JAKMIP1: variants seen among roughly 807,000 people sequenced by gnomAD.
The protein encoded by JAKMIP1 is janus kinase and microtubule-interacting protein 1.
Under a neutral mutation model 113.0 loss-of-function variants are expected in JAKMIP1, and 33 were observed. That is an observed-to-expected ratio of 0.29 (90% CI 0.22 to 0.39). The LOEUF is 0.39. JAKMIP1 is among the 10% of genes least tolerant of loss of function. JAKMIP1 has a pLI of 1.00. For synonymous variants in JAKMIP1, 480 were observed against 459.9 expected, an observed-to-expected ratio of 1.04 and a Z score of -0.56; for missense variants, 813 against 1,080.5, an observed-to-expected ratio of 0.75 and a Z score of 3.47.
chr4:6,074,941 C>T (rs1402583092), intron 8 of JAKMIP1, among the ~76,000 whole-genome samples: 1 of 152,240 alleles, frequency 6.6e-6, no homozygotes, highest in Non-Finnish European at 1.5e-5. Flanking sequence ...GGAGGCTAGA[C>T]CATCTGGGTT....
At position 6,193,650 on chromosome 4, in the gene JAKMIP1, T is replaced by A. The variant is rs1003737288; in HGVS notation, c.-148+6603A>T. Among the ~76,000 whole-genome samples the A allele has an allele frequency of 6.6e-6, 1 of 152,150 alleles. No individual in the cohort carries two copies. The highest frequency in any genetic ancestry group is 1.5e-5 in the Non-Finnish European group (1 of 68,034). On this transcript the variant is annotated intron_variant, in intron 1 of 20. Transcript: ENST00000409021. This position sits in a 1 kb window ranked among gnomAD's most constrained non-coding sequence, Gnocchi z 6.4. ...CCGCATCGTCCCTCCTGCCTCGGGG[T>A]GCTCCCATGCTCTTGCTTGGAAAAT... is the stretch of plus-strand genomic sequence containing the variant.
intron 1 of JAKMIP1, among the ~76,000 whole-genome samples, chr4:6,113,675 C>T (rs1715297062): frequency 1.3e-5 from 2 of 152,174 alleles, no homozygotes; most frequent in African/African-American, 4.8e-5. Context: ...AGCGGGTGAG[C>T]CAGGACTGAG....
At chr4:6,190,639 C>T (rs1727156373) in intron 1 of JAKMIP1, among the ~76,000 whole-genome samples, 2 of 152,222 alleles carry the variant, frequency 1.3e-5, no homozygotes, top group African/African-American at 2.4e-5. Flanking sequence ...GGCACGATGC[C>T]AGGCACCTGA....
chr4:6,174,806 G>A (rs912607896), intron 1 of JAKMIP1, among the ~76,000 whole-genome samples: 11 of 139,806 alleles, frequency 7.9e-5, no homozygotes, highest in East Asian at 2.1e-4. Flanking sequence ...AGGTGACCCC[G>A]TCGTGTCAAG....
intron 1 of JAKMIP1, among the ~76,000 whole-genome samples, chr4:6,165,630 A>G (rs114831562): frequency 0.018 from 2,668 of 152,352 alleles, 82 homozygotes; most frequent in African/African-American, 0.059. Context: ...AGGTATGTAC[A>G]TTGTTGTTTT....
intron 9 of JAKMIP1, 111 bp from the exon 10 acceptor site, chr4:6,062,551 T>G: frequency 8.3e-7 from 1 of 1,198,502 alleles, no homozygotes. Flanking sequence ...TGGCTTTGAG[T>G]GCCAGGGTCA....
Position 6,179,497 on chromosome 4 carries a change from G to A in JAKMIP1, c.-148+20756C>T, listed in dbSNP as rs56197934. 0.014 allele frequency among the ~76,000 whole-genome samples: 2,109 copies of A among 152,254 alleles called. 42 individuals carry two copies. The highest frequency in any genetic ancestry group is 0.072 in the Admixed American group (1,096 of 15,296). On this transcript the variant is annotated intron_variant, in intron 1 of 20. Transcript: ENST00000409021. This position sits in a 1 kb window ranked among gnomAD's most constrained non-coding sequence, Gnocchi z 4.5. The stretch of plus-strand genomic sequence containing the variant: ...CTTCCTGACACCCCCTACAGGCACC[G>A]TCAAGGGACAACCCTACAAAGCCAC...
chr4:6,191,913 TTTTATTTATTTATTTA>T (rs55740817), intron 1 of JAKMIP1, among the ~76,000 whole-genome samples: 3 of 141,054 alleles, frequency 2.1e-5, no homozygotes, highest in Non-Finnish European at 3.0e-5. Flanking sequence ...CAGGAGTGCA[TTTTATTTATTTATTTA>T]TTTATTTATT....
intron 20 of JAKMIP1, among the ~76,000 whole-genome samples, chr4:6,027,754 T>G (rs1200653287): frequency 6.6e-6 from 1 of 152,228 alleles, no homozygotes; most frequent in Non-Finnish European, 1.5e-5. Flanking sequence ...GATTCCAACA[T>G]TTCCCAGGTA....
At chr4:6,170,512 A>ACCACCATTACCACCCTCACAACCACCC (rs1724405297) in intron 1 of JAKMIP1, among the ~76,000 whole-genome samples, 1 of 143,442 alleles carries the variant, frequency 7.0e-6, no homozygotes, top group African/African-American at 2.6e-5. Context: ...TATCACCACC[A>ACCACCATTACCACCCTCACAACCACCC]CCATCACCAC....
chr4:6,164,768 G>A (rs532820925), intron 1 of JAKMIP1, among the ~76,000 whole-genome samples: 28 of 152,318 alleles, frequency 1.8e-4, no homozygotes, highest in African/African-American at 3.4e-4. Context: ...GGAAGTAATC[G>A]CATAAGTGGT....
chr4:6,026,242 T>C lies in JAKMIP1; in HGVS notation c.2482A>G (p.Ile828Val). 1.3e-6 allele frequency: 2 copies of C among 1,545,606 alleles called. No homozygotes were observed. Among genetic ancestry groups the C allele is most frequent in the Non-Finnish European group, 1.7e-6 (2 of 1,143,248 alleles). ...FLFLFFSLAF[I>V]LWP ...CACTGAAGTCATCAAGGCCACAGAA[T>C]GAATGCTAGTGAGAAAAACAAAAAA... is the stretch of plus-strand genomic sequence containing the variant. Residue 828 changes from isoleucine (I) to valine (V), a missense_variant, in exon 21 of 21, where the codon ATT becomes GTT. Coordinates refer to ENST00000409021, the MANE Select transcript of JAKMIP1 (RefSeq NM_001099433.2).
rs760311298 is a variant in JAKMIP1, at chr4:6,080,229, G to A, written c.1185C>T (p.Ile395=). ...DLSLTRDEQE[I]EFLRLQVLEQ... ...CCAGCACCTGCAGCCTCAGGAACTC[G>A]ATCTCCTGCTCATCCCTCGTCAGGC... The change falls in exon 7 of 21, where the codon ATC becomes ATT. Residue 395 remains isoleucine, a synonymous_variant. Coordinates refer to ENST00000409021, the MANE Select transcript of JAKMIP1 (RefSeq NM_001099433.2). This position sits in a 1 kb window ranked among gnomAD's most constrained non-coding sequence, Gnocchi z 6.0. 6 of 1,614,134 alleles carry A rather than the reference G, an allele frequency of 3.7e-6. No homozygotes were observed. Among genetic ancestry groups the A allele is most frequent in the Admixed American group, 3.3e-5 (2 of 60,028 alleles).
At chr4:6,126,626 AC>A (rs1717700367) in intron 1 of JAKMIP1, among the ~76,000 whole-genome samples, 1 of 150,322 alleles carries the variant, frequency 6.7e-6, no homozygotes, top group Admixed American at 6.6e-5. Flanking sequence ...ACACACACAC[AC>A]ACAAACACAC....
chr4:6,080,155 A>C lies in JAKMIP1; in HGVS notation c.1242+17T>G, dbSNP rs376126365. 6.3e-7 allele frequency: 1 copy of C among 1,586,030 alleles called. No individual in the cohort carries two copies. The highest frequency in any genetic ancestry group is 8.6e-7 in the Non-Finnish European group (1 of 1,165,638). ...CACCCCTGCCAGGGGCAGCCGCGCCAGCTGTGCTAGATGTACCAGTGAGAG... is the reference window on the plus strand; with the variant it reads ...CACCCCTGCCAGGGGCAGCCGCGCCCGCTGTGCTAGATGTACCAGTGAGAG... On this transcript the variant is annotated intron_variant, in intron 7 of 20. Transcript: ENST00000409021. This position sits in a 1 kb window ranked among gnomAD's most constrained non-coding sequence, Gnocchi z 6.0.
rs1722243595 is a variant in JAKMIP1, at chr4:6,156,381, T to C, written c.-147-43384A>G. Among the ~76,000 whole-genome samples the C allele has an allele frequency of 6.6e-6, 1 of 152,258 alleles. No individual in the cohort carries two copies. Among genetic ancestry groups the C allele is most frequent in the Non-Finnish European group, 1.5e-5 (1 of 68,048 alleles). On this transcript the variant is annotated intron_variant, in intron 1 of 20. Transcript: ENST00000409021. The surrounding 1 kb of genome is among the most constrained non-coding windows in gnomAD (Gnocchi z 5.0). ...TTCTTTAGTGGTACAAAAATAATGA[T>C]GCATGTCCCAATTGACAGCAGCTTA...
At chr4:6,057,687 G>A (rs1338649055) in intron 11 of JAKMIP1, among the ~76,000 whole-genome samples, 3 of 152,158 alleles carry the variant, frequency 2.0e-5, no homozygotes, top group Non-Finnish European at 4.4e-5. Context: ...TCCCACCTCT[G>A]TGTGCACCCC....
In JAKMIP1 at chr4:6,183,420, A is replaced by G. The variant is rs1172077557; in HGVS notation, c.-148+16833T>C. The stretch of plus-strand genomic sequence containing the variant: ...CTTGAACCTGGGAGGCAGAGGTTAC[A>G]GTGAGCCAAGATCATGCCATTGCAC... On this transcript the variant is annotated intron_variant, in intron 1 of 20. Transcript: ENST00000409021. The surrounding 1 kb of genome is among the most constrained non-coding windows in gnomAD (Gnocchi z 5.3). Among the ~76,000 whole-genome samples the G allele has an allele frequency of 6.6e-6, 1 of 151,736 alleles. No individual in the cohort carries two copies. The highest frequency in any genetic ancestry group is 6.6e-5 in the Admixed American group (1 of 15,220).
At chr4:6,189,780 G>C (rs1322476611) in intron 1 of JAKMIP1, among the ~76,000 whole-genome samples, 1 of 152,210 alleles carries the variant, frequency 6.6e-6, no homozygotes, top group East Asian at 1.9e-4. Context: ...GTTTTCTGAA[G>C]GAAGGCGCAT....
Sources: allele counts gnomAD v4.1 joint callset (sites outside exome capture counted in the v4.1 genomes callset), GRCh38; gene constraint gnomAD v4.1.1; non-coding constraint Gnocchi (gnomAD v3.1); transcripts MANE v1.5; gene names NCBI Gene and HGNC (gene_info 2026-07-23, HGNC 2026-07-21).